Variants in IGDCC3 observed in about 807,000 individuals in gnomAD.
IGDCC3 encodes immunoglobulin superfamily DCC subclass member 3.
In IGDCC3, 47 loss-of-function variants were observed where a neutral mutation model predicts 72.0. The ratio of observed to expected loss-of-function variants is 0.65; its 90% CI spans 0.52 to 0.83. The LOEUF (loss-of-function observed/expected upper bound fraction) is 0.83, where lower values mean the gene tolerates loss of function less well. Ranked by LOEUF, IGDCC3 falls within the 40% of genes least tolerant of loss-of-function variation. The probability of loss-of-function intolerance (pLI) is 0.00; values close to 1 mark genes in which losing one functional copy is unlikely to be tolerated. For synonymous variants in IGDCC3, 477 were observed against 472.8 expected, an observed-to-expected ratio of 1.01 and a Z score of -0.11; for missense variants, 1,038 against 1,091.3, an observed-to-expected ratio of 0.95 and a Z score of 0.69.
chr15:65,331,862 C>G, intron 7 of IGDCC3, 79 bp downstream of exon 7: 1 of 1,506,294 alleles, frequency 6.6e-7, no homozygotes, highest in Non-Finnish European at 9.0e-7. Context: ...AGGTGTACAG[C>G]CTACTCAGGC....
chr15:65,335,785 CCT>C (rs763522796), intron 3 of IGDCC3, 25 bp downstream of exon 3: 5 of 1,613,340 alleles, frequency 3.1e-6, no homozygotes, highest in Non-Finnish European at 4.2e-6. Context: ...CTTTGTCCTC[CCT>C]CTGTCTTTCC....
intron 2 of IGDCC3, among the ~76,000 whole-genome samples, chr15:65,347,702 G>A (rs554700793): frequency 2.6e-5 from 4 of 152,214 alleles, no homozygotes; most frequent in Admixed American, 6.5e-5. Context: ...AGGCCAAGAC[G>A]GGTGGATCAC....
rs141925121 is a variant in IGDCC3 at position 65,329,029 on chromosome 15, G to C, written c.2325C>G (p.Pro775=). The change falls in exon 14 of 14, where the codon CCC becomes CCG. Residue 775 remains proline, a synonymous_variant. Coordinates refer to ENST00000327987, the MANE Select transcript of IGDCC3 (RefSeq NM_004884.4). This position sits in a 1 kb window ranked among gnomAD's most constrained non-coding sequence, Gnocchi z 4.1. ...GTGGGGCAGCCGCCAGGCCGGCGCA[G>C]GGAGCCGTGGCCTCTGTGGTCTTCG... is the stretch of plus-strand genomic sequence containing the variant. ...TEAKTTEATA[P]CAGLAAAPPP... is the part of the protein sequence containing the mutation. 4.1e-4 allele frequency: 660 copies of C among 1,612,546 alleles called. 2 individuals are homozygous for C. In the African/African-American group the frequency reaches 7.7e-3, roughly 19 times the overall value.
intron 5 of IGDCC3, among the ~76,000 whole-genome samples, chr15:65,334,112 C>A (rs1175902658): frequency 6.6e-6 from 1 of 152,076 alleles, no homozygotes; most frequent in African/African-American, 2.4e-5. Context: ...CCCCATCACT[C>A]AGCTGCTACA....
At chr15:65,365,691 C>G (rs910711213) in intron 2 of IGDCC3, among the ~76,000 whole-genome samples, 1 of 152,168 alleles carries the variant, frequency 6.6e-6, no homozygotes, top group African/African-American at 2.4e-5. Context: ...TGCAGAGGCC[C>G]GAGCTCACCT....
At position 65,331,137 on chromosome 15, in the gene IGDCC3, T is replaced by C; in HGVS notation, c.1474A>G (p.Thr492Ala). ...GCCTTGATGTAGAAACTGTAGGCTG[T>C]GGAGGGCTCCAGGTCGCTGACCAGG... The part of the protein sequence containing the change: ...QHLVSDLEPS[T>A]AYSFYIKAYT... Residue 492 changes from threonine to alanine, a missense_variant, in exon 9 of 14, where the codon ACA (threonine) becomes GCA (alanine). Coordinates refer to ENST00000327987, the MANE Select transcript of IGDCC3 (RefSeq NM_004884.4). 6.2e-7 allele frequency: 1 copy of C among 1,614,062 alleles called. No individual in the cohort carries two copies.
At position 65,370,499 on chromosome 15, in the gene IGDCC3, T is replaced by G. The variant is rs576843504; in HGVS notation, c.409+4598A>C. 2.5e-3 allele frequency among the ~76,000 whole-genome samples: 324 copies of G among 129,890 alleles called. 5 individuals carry two copies. The highest frequency in any genetic ancestry group is 8.8e-3 in the African/African-American group (306 of 34,860). 85.2% of individuals were successfully genotyped at this position (129,890 alleles called of 152,430 possible). Reference sequence around the variant, plus strand: ...ACTGCACTGGGTGATAGAGCGAGACTTGGTCTCAAAAAAAAAATATATATA... The same window carrying G: ...ACTGCACTGGGTGATAGAGCGAGACGTGGTCTCAAAAAAAAAATATATATA... On this transcript the variant is annotated intron_variant, in intron 2 of 13. Coordinates refer to ENST00000327987, the MANE Select transcript of IGDCC3 (RefSeq NM_004884.4).
Position 65,329,994 on chromosome 15 carries a change from T to C in IGDCC3, c.1859-130A>G. 1.0e-6 allele frequency: 1 copy of C among 973,494 alleles called. No individual in the cohort carries two copies. The highest frequency in any genetic ancestry group is 1.6e-6 in the Non-Finnish European group (1 of 644,194). The allele number at this position is 973,494 out of a possible 1,614,324, so 60.3% of individuals were successfully genotyped here. On this transcript the variant is annotated intron_variant, in intron 11 of 13. Coordinates refer to ENST00000327987, the MANE Select transcript of IGDCC3 (RefSeq NM_004884.4). This position sits in a 1 kb window ranked among gnomAD's most constrained non-coding sequence, Gnocchi z 4.1. ...GTGGGAGTGGGAACATCCTTTGACT[T>C]TGCCTACAGGACTCCAGACCAATCT...
chr15:65,334,534 G>T, intron 5 of IGDCC3, 194 bp downstream of exon 5: 1 of 557,136 alleles, frequency 1.8e-6, no homozygotes, highest in Non-Finnish European at 3.1e-6. Context: ...AGAATGGGGT[G>T]GGCAGGCGGG....
At chr15:65,335,571 A>C (rs2091021012) in intron 3 of IGDCC3, 150 bp from the exon 4 acceptor site, 1 of 934,956 alleles carries the variant, frequency 1.1e-6, no homozygotes, top group Non-Finnish European at 1.7e-6. Context: ...AAAGGTGGAC[A>C]CACCCTCAAT....
At position 65,332,004 on chromosome 15, in the gene IGDCC3, G is replaced by A. The variant is rs567453871; in HGVS notation, c.1085C>T (p.Thr362Met). ...QAQGEPPPHV[T>M]WLKNGQVLGP... is the part of the protein sequence containing the mutation. The stretch of plus-strand genomic sequence containing the variant: ...CAGCACCTGTCCATTTTTCAGCCAC[G>A]TGACATGAGGCGGTGGCTCACCCTG... Residue 362 changes from threonine to methionine, a missense_variant, in exon 7 of 14, where the codon ACG becomes ATG. Coordinates refer to ENST00000327987, the MANE Select transcript of IGDCC3 (RefSeq NM_004884.4). 30 of 1,614,020 alleles carry A rather than the reference G, an allele frequency of 1.9e-5. No individual in the cohort carries two copies. Among genetic ancestry groups the A allele is most frequent in the South Asian group, 1.1e-4 (10 of 91,078 alleles).
chr15:65,362,106 T>C (rs936096680), intron 2 of IGDCC3, among the ~76,000 whole-genome samples: 1 of 145,742 alleles, frequency 6.9e-6, no homozygotes, highest in Non-Finnish European at 1.5e-5. Flanking sequence ...AAAGAAGTGG[T>C]ACAGAGGGAG....
At chr15:65,370,538 TTA>T (rs1201897396) in intron 2 of IGDCC3, among the ~76,000 whole-genome samples, 15 of 119,374 alleles carry the variant, frequency 1.3e-4, no homozygotes, top group South Asian at 2.7e-4. Flanking sequence ...ATATATATAT[TTA>T]TATATATATG....
intron 4 of IGDCC3, 26 bp downstream of exon 4, chr15:65,335,265 G>C: frequency 1.3e-6 from 2 of 1,589,778 alleles, no homozygotes; most frequent in South Asian, 1.2e-5. Context: ...TGGGGAGGTT[G>C]GGGGAAAGTG....
At position 65,329,714 on chromosome 15, in the gene IGDCC3, C is replaced by G; in HGVS notation, c.1997+12G>C. On this transcript the variant is annotated intron_variant, in intron 12 of 13. Coordinates refer to ENST00000327987, the MANE Select transcript of IGDCC3 (RefSeq NM_004884.4). This position sits in a 1 kb window ranked among gnomAD's most constrained non-coding sequence, Gnocchi z 4.1. ...ACACCAGCCCAGCCCCTCTCCCTGGCCCAGGACCCACCTGCCCCTTTGGCC... is the reference window on the plus strand; with the variant it reads ...ACACCAGCCCAGCCCCTCTCCCTGGGCCAGGACCCACCTGCCCCTTTGGCC... 6.2e-7 allele frequency: 1 copy of G among 1,613,926 alleles called. No individual in the cohort carries two copies.
At chr15:65,340,481 C>T (rs1000039593) in intron 2 of IGDCC3, among the ~76,000 whole-genome samples, 1 of 152,190 alleles carries the variant, frequency 6.6e-6, no homozygotes, top group African/African-American at 2.4e-5. Context: ...CTGTCCCCAC[C>T]TCATACAGCC....
In IGDCC3 at chr15:65,328,865, A is replaced by T; in HGVS notation, c.*44T>A. The T allele has an allele frequency of 6.7e-7, 1 of 1,489,460 alleles. No individual in the cohort carries two copies. Among genetic ancestry groups the T allele is most frequent in the Middle Eastern group, 1.8e-4 (1 of 5,504 alleles). The allele number at this position is 1,489,460 out of a possible 1,614,324, so 92.3% of individuals were successfully genotyped here. On this transcript the variant is annotated 3_prime_UTR_variant, in exon 14 of 14. Transcript: ENST00000327987. ...TAGAAATCTTGCTTTTGACCTGAGA[A>T]TGGGCCCCGCTCCGTCCACCCTCTG... is the stretch of plus-strand genomic sequence containing the variant.
intron 9 of IGDCC3, 98 bp from the exon 10 acceptor site, chr15:65,330,839 C>T: frequency 8.8e-7 from 1 of 1,137,576 alleles, no homozygotes; most frequent in Non-Finnish European, 1.2e-6. Context: ...CCTGACAGCC[C>T]TCTGGCCTCT....
At chr15:65,336,067 G>A in intron 2 of IGDCC3, 111 bp from the exon 3 acceptor site, 1 of 1,142,364 alleles carries the variant, frequency 8.8e-7, no homozygotes, top group Non-Finnish European at 1.3e-6. Flanking sequence ...CTCCATCCAG[G>A]GGCAGGAGTT....
Sources: gnomAD v4.1 joint callset for allele counts (sites outside exome capture counted in the v4.1 genomes callset) on GRCh38, gnomAD v4.1.1 for gene constraint, Gnocchi (gnomAD v3.1) non-coding constraint, MANE v1.5 for transcripts, NCBI Gene and HGNC (gene_info 2026-07-23, HGNC 2026-07-21) for gene names.